The following MYO5B variants were observed in gnomAD, a reference collection of about 807,000 sequenced individuals.
MYO5B encodes unconventional myosin-Vb.
MYO5B carries 143 observed loss-of-function variants against 229.3 expected under a neutral mutation model. The observed-to-expected ratio is 0.62, with a 90% confidence interval of 0.54 to 0.72. The LOEUF (loss-of-function observed/expected upper bound fraction) is 0.72, where lower values mean the gene tolerates loss of function less well. MYO5B is among the 30% of genes least tolerant of loss of function. MYO5B has a pLI of 0.00. For missense variants in MYO5B, 2,321 were observed against 2,331.0 expected (o/e 1.00, Z 0.09); for synonymous variants, 918 against 885.2 (o/e 1.04, Z -0.66).
At chr18:50,004,474 T>C (rs1240733130) in intron 4 of MYO5B, among the ~76,000 whole-genome samples, 1 of 152,238 alleles carries the variant, frequency 6.6e-6, no homozygotes, top group Non-Finnish European at 1.5e-5. Flanking sequence ...ATATGTAGGC[T>C]AAAGTCAGAT....
chr18:50,194,635 G>A (rs1373204753), intron 1 of MYO5B, 132 bp downstream of exon 1: 3 of 614,652 alleles, frequency 4.9e-6, no homozygotes, highest in Non-Finnish European at 8.4e-6. Context: ...CAGTGACGAG[G>A]AGGACACCGC....
At chr18:49,840,971 G>T (rs1365053848) in intron 35 of MYO5B, among the ~76,000 whole-genome samples, 2 of 152,208 alleles carry the variant, frequency 1.3e-5, no homozygotes, top group African/African-American at 2.4e-5. Context: ...TTAATCAGTT[G>T]GCTTAGGAGA....
Position 50,067,363 on chromosome 18 carries a change from C to T in MYO5B, c.28-11985G>A, listed in dbSNP as rs78673395. Among the ~76,000 whole-genome samples the T allele has an allele frequency of 9.5e-3, 1,451 of 152,290 alleles. 20 individuals carry two copies. The highest frequency in any genetic ancestry group is 0.033 in the African/African-American group (1,371 of 41,560). ...ACAAGGAGAAGCCTTTGCCTGCTGCCTTCCTTCAACCCAAACCTGAGCAGC... is the reference window on the plus strand; with the variant it reads ...ACAAGGAGAAGCCTTTGCCTGCTGCTTTCCTTCAACCCAAACCTGAGCAGC... On this transcript the variant is annotated intron_variant, in intron 1 of 39. Coordinates refer to ENST00000285039, the MANE Select transcript of MYO5B (RefSeq NM_001080467.3).
chr18:50,017,284 A>C (rs191245758), intron 4 of MYO5B, among the ~76,000 whole-genome samples: 429 of 151,442 alleles, frequency 2.8e-3, no homozygotes, highest in Admixed American at 4.3e-3. Flanking sequence ...CTGTCTGGCT[A>C]AATTTTTTTT....
chr18:50,043,392 T>TA, intron 2 of MYO5B, among the ~76,000 whole-genome samples: 1 of 70,678 alleles, frequency 1.4e-5, no homozygotes, highest in Non-Finnish European at 2.7e-5. Context: ...ATTAAATATA[T>TA]TTAAATATAT....
At chr18:50,025,448 G>C (rs1322833341) in intron 4 of MYO5B, among the ~76,000 whole-genome samples, 1 of 152,172 alleles carries the variant, frequency 6.6e-6, no homozygotes, top group African/African-American at 2.4e-5. Flanking sequence ...CCTCAAGGAG[G>C]TGGATTTAAG....
At chr18:50,003,360 G>C (rs2026068273) in intron 4 of MYO5B, among the ~76,000 whole-genome samples, 1 of 152,222 alleles carries the variant, frequency 6.6e-6, no homozygotes, top group Non-Finnish European at 1.5e-5. Flanking sequence ...GTGTCTCTCT[G>C]AGATCCCTTG....
chr18:49,954,428 T>C lies in MYO5B; in HGVS notation c.1553A>G (p.Lys518Arg), dbSNP rs767371946. The change falls in exon 13 of 40, where the codon AAA becomes AGA. Residue 518 changes from lysine (K) to arginine (R), a missense_variant. Lys to Arg is a conservative substitution (Grantham distance 26, BLOSUM62 2). Around this residue, in one of 2 missense-constraint regions of MYO5B, gnomAD observed 2,113 missense variants for 2,044.7 expected, o/e 1.03. Transcript: ENST00000285039. ...DLLDEECKVPKGTDQNWAQKL... is the reference protein window; with the variant it reads ...DLLDEECKVPRGTDQNWAQKL... ...CTGAGCCCAGTTCTGGTCAGTTCCT[T>C]TGGGGACCTGCAGAACCACAAGATA... is the stretch of plus-strand genomic sequence containing the variant. 13 of 1,613,658 alleles carry C rather than the reference T, an allele frequency of 8.1e-6. No individual in the cohort carries two copies. Among genetic ancestry groups the C allele is most frequent in the East Asian group, 6.7e-5 (3 of 44,866 alleles).
intron 6 of MYO5B, among the ~76,000 whole-genome samples, chr18:49,991,808 G>A (rs1312153908): frequency 2.0e-5 from 3 of 151,948 alleles, no homozygotes; most frequent in Non-Finnish European, 4.4e-5. Flanking sequence ...ATGTATCCCA[G>A]AACTTAAAGT....
chr18:50,145,888 T>C (rs924447373), intron 1 of MYO5B, among the ~76,000 whole-genome samples: 1 of 152,220 alleles, frequency 6.6e-6, no homozygotes, highest in African/African-American at 2.4e-5. Context: ...GCAAACTTGT[T>C]TACACCATTG....
intron 21 of MYO5B, among the ~76,000 whole-genome samples, chr18:49,897,061 G>C (rs1395420304): frequency 6.6e-6 from 1 of 152,198 alleles, no homozygotes; most frequent in Non-Finnish European, 1.5e-5. Flanking sequence ...AGTTGCCCGA[G>C]TCTCTGGCTG....
At position 49,912,147 on chromosome 18, in the gene MYO5B, C is replaced by A; in HGVS notation, c.2117G>T (p.Arg706Leu). The change falls in exon 18 of 40, where the codon CGG (arginine) becomes CTG (leucine). Residue 706 changes from arginine (R) to leucine (L), a missense_variant. Physicochemically the swap from Arg to Leu is moderately radical, Grantham distance 102. Around this residue, in one of 2 missense-constraint regions of MYO5B, gnomAD observed 2,113 missense variants for 2,044.7 expected, o/e 1.03. Coordinates refer to ENST00000285039, the MANE Select transcript of MYO5B (RefSeq NM_001080467.3). Reference sequence around the variant, plus strand: ...TCTCTTCTTGACCAGCACCCGATACCGGTTGAAAAAGTCATGGTAGGCCCA... The same window carrying A: ...TCTCTTCTTGACCAGCACCCGATACAGGTTGAAAAAGTCATGGTAGGCCCA... ...SRWAYHDFFN[R>L]YRVLVKKREL... 1 of 1,613,962 alleles carries A rather than the reference C, an allele frequency of 6.2e-7. No homozygotes were observed. Among genetic ancestry groups the A allele is most frequent in the Non-Finnish European group, 8.5e-7 (1 of 1,180,002 alleles).
At chr18:50,005,146 A>T (rs568282833) in intron 4 of MYO5B, among the ~76,000 whole-genome samples, 1 of 152,316 alleles carries the variant, frequency 6.6e-6, no homozygotes, top group South Asian at 2.1e-4. Flanking sequence ...TTCCCACTCA[A>T]AAAAGTTAAA....
At chr18:50,028,927 T>G (rs1195188964) in intron 4 of MYO5B, among the ~76,000 whole-genome samples, 2 of 152,234 alleles carry the variant, frequency 1.3e-5, no homozygotes, top group Non-Finnish European at 2.9e-5. Context: ...GTTAATAATA[T>G]TTATGACCTC....
At chr18:49,831,199 CAT>C (rs1186275262) in intron 39 of MYO5B, among the ~76,000 whole-genome samples, 6 of 152,014 alleles carry the variant, frequency 3.9e-5, no homozygotes, top group Non-Finnish European at 8.8e-5. Context: ...TCTTAGAAAA[CAT>C]AGGGGAAAGT....
rs984738509 is a variant in MYO5B at position 50,195,016 on chromosome 18, G to T, written c.-223C>A. Reference sequence around the variant, plus strand: ...GCGGCGGCGCAGCTACGGCCGGACAGGAGTTGCGAGCGCCGGGGGAGGAGG... The same window carrying T: ...GCGGCGGCGCAGCTACGGCCGGACATGAGTTGCGAGCGCCGGGGGAGGAGG... On this transcript the variant is annotated 5_prime_UTR_variant, in exon 1 of 40. It adds an upstream start codon to the 5' untranslated region. Coordinates refer to ENST00000285039, the MANE Select transcript of MYO5B (RefSeq NM_001080467.3). 1 of 498,398 alleles carries T rather than the reference G, an allele frequency of 2.0e-6. No individual in the cohort carries two copies. Among genetic ancestry groups the T allele is most frequent in the East Asian group, 4.1e-5 (1 of 24,568 alleles). 30.9% of individuals were successfully genotyped at this position (498,398 alleles called of 1,614,324 possible).
intron 4 of MYO5B, among the ~76,000 whole-genome samples, chr18:50,015,842 T>C (rs1301923271): frequency 6.6e-6 from 1 of 152,238 alleles, no homozygotes; most frequent in Admixed American, 6.5e-5. Context: ...CTCTCTGGTA[T>C]GAGCACTGTG....
chr18:50,061,041 T>C (rs2030673431), intron 1 of MYO5B, among the ~76,000 whole-genome samples: 1 of 152,128 alleles, frequency 6.6e-6, no homozygotes, highest in South Asian at 2.1e-4. Flanking sequence ...AGCCTGCAGA[T>C]TATTTCCCCA....
At chr18:50,107,671 C>G (rs537457505) in intron 1 of MYO5B, among the ~76,000 whole-genome samples, 2 of 152,320 alleles carry the variant, frequency 1.3e-5, no homozygotes, top group South Asian at 4.1e-4. Context: ...TGCCACACAG[C>G]ACTACACATC....
Sources: allele counts gnomAD v4.1 joint callset (sites outside exome capture counted in the v4.1 genomes callset), GRCh38; gene constraint gnomAD v4.1.1; regional missense constraint gnomAD v4.1.1; transcripts MANE v1.5; gene names NCBI Gene and HGNC (gene_info 2026-07-23, HGNC 2026-07-21).